CUX1: variants seen among roughly 807,000 people sequenced by gnomAD.
The protein encoded by CUX1 is cut like homeobox 1.
A neutral mutation model predicts 158.8 loss-of-function variants in CUX1; 31 were observed. That is an observed-to-expected ratio of 0.20 (90% CI 0.15 to 0.26). The LOEUF is 0.26. CUX1 is among the 10% of genes least tolerant of loss of function. The pLI is 1.00. For missense variants in CUX1, 1,589 were observed against 2,014.6 expected, an observed-to-expected ratio of 0.79 and a Z score of 4.04; for synonymous variants, 879 against 862.1, an observed-to-expected ratio of 1.02 and a Z score of -0.34.
intron 14 of CUX1, among the ~76,000 whole-genome samples, chr7:102,272,277 G>A (rs1791272073): frequency 6.6e-6 from 1 of 152,252 alleles, no homozygotes; most frequent in Non-Finnish European, 1.5e-5. Flanking sequence ...GCCCAGCCAG[G>A]GCAGGTATGA....
At chr7:102,070,487 A>T in intron 4 of CUX1, 70 bp downstream of exon 4, 1 of 1,207,172 alleles carries the variant, frequency 8.3e-7, no homozygotes, top group East Asian at 2.4e-5. Context: ...TTTTTGGCTC[A>T]TTCTTCTTGG....
At chr7:101,983,960 G>GGAGGCA (rs1813826560) in intron 2 of CUX1, among the ~76,000 whole-genome samples, 1 of 150,282 alleles carries the variant, frequency 6.7e-6, no homozygotes, top group Non-Finnish European at 1.5e-5. Context: ...CTTGAACCCG[G>GGAGGCA]GAGGCAGAGG....
chr7:101,876,941 G>GT (rs1451138813), intron 1 of CUX1, among the ~76,000 whole-genome samples: 1 of 151,952 alleles, frequency 6.6e-6, no homozygotes, highest in Admixed American at 6.6e-5. Flanking sequence ...CTTTTTCCTA[G>GT]TTTCTGACCT....
intron 9 of CUX1, among the ~76,000 whole-genome samples, chr7:102,160,686 A>T (rs545298338): frequency 3.6e-4 from 55 of 152,290 alleles, no homozygotes; most frequent in South Asian, 1.2e-3. Context: ...CGCCAGTCAC[A>T]AAAAAAGACA....
At chr7:102,063,310 G>T (rs1825142800) in intron 3 of CUX1, among the ~76,000 whole-genome samples, 2 of 151,316 alleles carry the variant, frequency 1.3e-5, no homozygotes, top group Non-Finnish European at 2.9e-5. Context: ...CCAAGTGGCT[G>T]TCATCATCTC....
chr7:102,281,836 C>T, intron 20 of CUX1: 2 of 1,610,148 alleles, frequency 1.2e-6, no homozygotes, highest in East Asian at 2.2e-5. Context: ...CTCCTTGCTC[C>T]CAGGGGCGTC....
intron 2 of CUX1, among the ~76,000 whole-genome samples, chr7:101,958,479 CTTTTTTTTTT>C (rs11433173): frequency 2.7e-5 from 3 of 112,124 alleles, no homozygotes; most frequent in African/African-American, 1.0e-4. Flanking sequence ...ATTTTCTTTT[CTTTTTTTTTT>C]TTTTTTTTTG....
At chr7:101,943,188 C>G (rs924253590) in intron 2 of CUX1, among the ~76,000 whole-genome samples, 2 of 151,162 alleles carry the variant, frequency 1.3e-5, no homozygotes, top group Non-Finnish European at 2.9e-5. Context: ...CTCACTGCAA[C>G]CTCCACCTCC....
chr7:102,151,160 C>A (rs1430442695), intron 8 of CUX1, among the ~76,000 whole-genome samples: 1 of 152,120 alleles, frequency 6.6e-6, no homozygotes, highest in Non-Finnish European at 1.5e-5. Context: ...TGGTATTAAC[C>A]CCTGGGCATT....
In CUX1 at chr7:102,195,159, G is replaced by A. The variant is rs569218948; in HGVS notation, c.1126-348G>A. ...AAAAGTTCCCTTTACAGTAACGTTC[G>A]GACAGACGTTTGTGGCTTGGCAGCC... On this transcript the variant is annotated intron_variant, in intron 13 of 23. Transcript: ENST00000292535. 2.8e-3 allele frequency among the ~76,000 whole-genome samples: 418 copies of A among 151,912 alleles called. 6 individuals carry two copies. The highest frequency in any genetic ancestry group is 1.9e-3 in the Non-Finnish European group (131 of 68,010).
intron 8 of CUX1, among the ~76,000 whole-genome samples, chr7:102,152,026 G>T (rs1267582274): frequency 2.0e-5 from 3 of 151,994 alleles, no homozygotes; most frequent in South Asian, 2.1e-4. Context: ...CGGCAACATA[G>T]CAAGATCAAC....
At chr7:101,856,333 C>T (rs996722124) in intron 1 of CUX1, among the ~76,000 whole-genome samples, 2 of 151,986 alleles carry the variant, frequency 1.3e-5, no homozygotes, top group African/African-American at 4.8e-5. Flanking sequence ...TCCACGGTTG[C>T]GGTTTGTTTA....
rs1584625101 is a variant in CUX1 at position 101,817,638 on chromosome 7, G to C, written c.-2G>C. 2.6e-6 allele frequency: 4 copies of C among 1,551,542 alleles called. No individual in the cohort carries two copies. The Middle Eastern group carries it at 5.1e-4, about 197-fold the overall frequency. ...GGACAGCCCCGGGACTCTGCCAGGT[G>C]GATGTTGTGCGTAGCCGGAGCCAGG... On this transcript the variant is annotated 5_prime_UTR_variant, in exon 1 of 24. Transcript: ENST00000292535. The surrounding 1 kb of genome is among the most constrained non-coding windows in gnomAD (Gnocchi z 4.1).
intron 8 of CUX1, among the ~76,000 whole-genome samples, chr7:102,147,596 T>C (rs1027138386): frequency 1.3e-5 from 2 of 152,222 alleles, no homozygotes; most frequent in African/African-American, 4.8e-5. Context: ...AAAGTTGTAT[T>C]TACAATTTGC....
At chr7:102,017,165 G>T (rs148647642) in intron 2 of CUX1, among the ~76,000 whole-genome samples, 2 of 151,338 alleles carry the variant, frequency 1.3e-5, no homozygotes, top group Non-Finnish European at 1.5e-5. Context: ...TTAGCCTGAC[G>T]TGGTAGTGGG....
intron 14 of CUX1, among the ~76,000 whole-genome samples, chr7:102,269,764 C>T (rs1348818094): frequency 1.3e-5 from 2 of 152,088 alleles, no homozygotes; most frequent in African/African-American, 2.4e-5. Flanking sequence ...TCACAACCAT[C>T]GAACAAGTCT....
intron 11 of CUX1, among the ~76,000 whole-genome samples, chr7:102,185,597 T>G (rs571930685): frequency 9.0e-4 from 133 of 147,782 alleles, no homozygotes; most frequent in East Asian, 3.2e-3. Context: ...TGTTTTGGGG[T>G]TTTTTTTTTG....
At chr7:102,192,423 C>T (rs1172690157) in intron 12 of CUX1, among the ~76,000 whole-genome samples, 3 of 152,082 alleles carry the variant, frequency 2.0e-5, no homozygotes, top group African/African-American at 7.2e-5. Context: ...CGGCAACAAG[C>T]GGATAGCAGG....
intron 2 of CUX1, among the ~76,000 whole-genome samples, chr7:101,994,430 G>A (rs1022857364): frequency 2.6e-5 from 4 of 152,162 alleles, no homozygotes; most frequent in East Asian, 3.9e-4. Flanking sequence ...ATGGTACCCC[G>A]TCTCTATTAA....
Sources: gnomAD v4.1 joint callset for allele counts (sites outside exome capture counted in the v4.1 genomes callset) on GRCh38, gnomAD v4.1.1 for gene constraint, Gnocchi (gnomAD v3.1) non-coding constraint, MANE v1.5 for transcripts, NCBI Gene and HGNC (gene_info 2026-07-23, HGNC 2026-07-21) for gene names.